Variants in DACH1 observed in about 807,000 individuals in gnomAD.
DACH1 encodes dachshund family transcription factor 1, also known as dachshund homolog 1.
In DACH1, 12 loss-of-function variants were observed where a neutral mutation model predicts 54.2. That is an observed-to-expected ratio of 0.22 (90% CI 0.14 to 0.36). The LOEUF (loss-of-function observed/expected upper bound fraction) is 0.36. Ranked by LOEUF, DACH1 falls within the 10% of genes least tolerant of loss-of-function variation. The pLI, the probability that DACH1 is intolerant of heterozygous loss-of-function variation, is 1.00. For missense variants in DACH1, 805 were observed against 929.8 expected, an observed-to-expected ratio of 0.87 and a Z score of 1.75; for synonymous variants, 386 against 366.2, an observed-to-expected ratio of 1.05 and a Z score of -0.62.
intron 1 of DACH1, among the ~76,000 whole-genome samples, chr13:71,842,413 TAA>T (rs10712982): frequency 4.9e-4 from 68 of 138,710 alleles, no homozygotes; most frequent in African/African-American, 1.4e-3. Context: ...CCATTTCTAT[TAA>T]AAAAAAAAAA....
At chr13:71,648,632 C>T (rs1878465530) in intron 2 of DACH1, among the ~76,000 whole-genome samples, 1 of 152,012 alleles carries the variant, frequency 6.6e-6, no homozygotes, top group Non-Finnish European at 1.5e-5. Context: ...TGTTCCAATC[C>T]CCTCTCAGTC....
intron 1 of DACH1, among the ~76,000 whole-genome samples, chr13:71,836,744 C>T (rs1385148599): frequency 6.6e-6 from 1 of 151,924 alleles, no homozygotes; most frequent in Non-Finnish European, 1.5e-5. Flanking sequence ...CTCATTCTGA[C>T]CACTTTATTT....
intron 1 of DACH1, among the ~76,000 whole-genome samples, chr13:71,791,205 T>G (rs1217848415): frequency 6.6e-6 from 1 of 152,222 alleles, no homozygotes; most frequent in African/African-American, 2.4e-5. Context: ...CACCTAAAAG[T>G]GTGCCATGTG....
chr13:71,802,421 T>C (rs1382500047), intron 1 of DACH1, among the ~76,000 whole-genome samples: 2 of 152,064 alleles, frequency 1.3e-5, no homozygotes, highest in Non-Finnish European at 2.9e-5. Flanking sequence ...TATATGCTAA[T>C]ATAAATAAAG....
intron 6 of DACH1, among the ~76,000 whole-genome samples, chr13:71,530,716 T>C (rs1447281075): frequency 1.3e-5 from 2 of 152,190 alleles, no homozygotes; most frequent in African/African-American, 4.8e-5. Context: ...GATCATCTTG[T>C]GAATTAAGAT....
chr13:71,540,400 G>T (rs1883057193), intron 6 of DACH1, among the ~76,000 whole-genome samples: 1 of 152,080 alleles, frequency 6.6e-6, no homozygotes, highest in African/African-American at 2.4e-5. Flanking sequence ...GTCCTCACAA[G>T]TTGGCAGAAA....
chr13:71,741,799 A>C (rs1449186386), intron 1 of DACH1, among the ~76,000 whole-genome samples: 1 of 152,140 alleles, frequency 6.6e-6, no homozygotes, highest in African/African-American at 2.4e-5. Flanking sequence ...GCACATAAGG[A>C]CAAAAGAAGC....
intron 3 of DACH1, among the ~76,000 whole-genome samples, chr13:71,630,072 C>A (rs1278167095): frequency 6.6e-5 from 10 of 152,036 alleles, no homozygotes; most frequent in Non-Finnish European, 2.9e-5. Context: ...TAACCATTAT[C>A]TATAGAAAGA....
At chr13:71,442,152 A>G (rs1301923128) in intron 10 of DACH1, among the ~76,000 whole-genome samples, 1 of 151,830 alleles carries the variant, frequency 6.6e-6, no homozygotes, top group Non-Finnish European at 1.5e-5. Flanking sequence ...TATTTTTTTG[A>G]ACCCATTAAC....
At position 71,568,740 on chromosome 13, in the gene DACH1, G is replaced by A. The variant is rs534272115; in HGVS notation, c.1299+4100C>T. On this transcript the variant is annotated intron_variant, in intron 4 of 10. Coordinates refer to ENST00000613252, the MANE Select transcript of DACH1 (RefSeq NM_080759.6). ...TGTGGGAATTATTTCTCCATTATGGGGGAAGCTGAATTACATAACATCTCA... is the reference window on the plus strand; with the variant it reads ...TGTGGGAATTATTTCTCCATTATGGAGGAAGCTGAATTACATAACATCTCA... Among the ~76,000 whole-genome samples the A allele has an allele frequency of 3.3e-5, 5 of 152,064 alleles. No homozygotes were observed. In the East Asian group the frequency reaches 5.8e-4, roughly 18 times the overall value.
chr13:71,680,594 A>G (rs1880840882), intron 2 of DACH1, among the ~76,000 whole-genome samples: 1 of 152,132 alleles, frequency 6.6e-6, no homozygotes, highest in African/African-American at 2.4e-5. Flanking sequence ...ATAGAGGGAG[A>G]CTCTTTGTCT....
intron 6 of DACH1, among the ~76,000 whole-genome samples, chr13:71,522,360 A>C (rs1490864737): frequency 6.6e-6 from 1 of 151,942 alleles, no homozygotes; most frequent in Non-Finnish European, 1.5e-5. Flanking sequence ...AATCAAAAAA[A>C]CCTGAGGTTC....
intron 3 of DACH1, chr13:71,573,657 A>C: frequency 2.3e-6 from 1 of 438,316 alleles, no homozygotes; most frequent in Non-Finnish European, 4.1e-6. Flanking sequence ...TTTTTAAAAA[A>C]TGTATCACAT....
At chr13:71,463,958 A>C (rs73213389) in intron 10 of DACH1, among the ~76,000 whole-genome samples, 3,926 of 152,090 alleles carry the variant, frequency 0.026, 86 homozygotes, top group South Asian at 0.054. Context: ...TGAGAGGAGA[A>C]ACTCCTGCTG....
chr13:71,508,630 CTTT>C (rs558150592), intron 6 of DACH1, among the ~76,000 whole-genome samples: 1 of 148,564 alleles, frequency 6.7e-6, no homozygotes, highest in Non-Finnish European at 1.5e-5. Context: ...ACTTGGGTAA[CTTT>C]TTTTTTTAGT....
intron 1 of DACH1, among the ~76,000 whole-genome samples, chr13:71,800,709 G>C (rs1016206170): frequency 4.6e-5 from 7 of 152,038 alleles, no homozygotes; most frequent in Non-Finnish European, 1.0e-4. Context: ...GACTCATTAT[G>C]ATAAAATGTA....
Position 71,866,521 on chromosome 13 carries a change from TCCGCTGCCG to T in DACH1, c.240_248del (p.Ser82_Gly84del), listed in dbSNP as rs1874815702. On this transcript the variant is annotated inframe_deletion, in exon 1 of 11. Coordinates refer to ENST00000613252, the MANE Select transcript of DACH1 (RefSeq NM_080759.6). ...CGTTGCCGCTGCTGCCGCCGCCGCC[TCCGCTGCCG>T]CCGCCGCCGCCGCCGCCGCCGGTAG... 5.6e-6 allele frequency: 6 copies of T among 1,076,490 alleles called. No homozygotes were observed. The highest frequency in any genetic ancestry group is 6.7e-6 in the Non-Finnish European group (6 of 893,230). The allele number at this position is 1,076,490 out of a possible 1,614,324, so 66.7% of individuals were successfully genotyped here.
intron 6 of DACH1, among the ~76,000 whole-genome samples, chr13:71,543,908 C>T (rs1011868009): frequency 3.9e-5 from 6 of 152,130 alleles, no homozygotes; most frequent in East Asian, 1.9e-4. Context: ...TCTCCTAGTA[C>T]GAGAGTGATT....
At chr13:71,545,336 T>C (rs987859277) in intron 6 of DACH1, among the ~76,000 whole-genome samples, 1 of 152,010 alleles carries the variant, frequency 6.6e-6, no homozygotes, top group African/African-American at 2.4e-5. Flanking sequence ...CCATAATAGA[T>C]TACTTGTGTT....
Sources: gnomAD v4.1 joint callset for allele counts (sites outside exome capture counted in the v4.1 genomes callset) on GRCh38, gnomAD v4.1.1 for gene constraint, MANE v1.5 for transcripts, NCBI Gene and HGNC (gene_info 2026-07-23, HGNC 2026-07-21) for gene names.